PPM1E: variants seen among roughly 807,000 people sequenced by gnomAD.
PPM1E encodes protein phosphatase, Mg2+/Mn2+ dependent 1E.
Under a neutral mutation model 65.9 loss-of-function variants are expected in PPM1E, and 20 were observed. The observed-to-expected ratio is 0.30, with a 90% CI of 0.21 to 0.44. The LOEUF (loss-of-function observed/expected upper bound fraction) is 0.44, where lower values mean the gene tolerates loss of function less well. PPM1E is among the 20% of genes least tolerant of loss of function. The probability of loss-of-function intolerance (pLI) is 1.00; values close to 1 mark genes in which losing one functional copy is unlikely to be tolerated. For synonymous variants in PPM1E, 352 were observed against 374.9 expected (o/e 0.94, Z 0.70); for missense variants, 713 against 953.1 (o/e 0.75, Z 3.32).
chr17:58,827,717 A>G (rs2050554006), intron 1 of PPM1E, among the ~76,000 whole-genome samples: 1 of 151,100 alleles, frequency 6.6e-6, no homozygotes, highest in African/African-American at 2.4e-5. Flanking sequence ...CCTGGCTAAC[A>G]TGGTGAAACC....
intron 1 of PPM1E, among the ~76,000 whole-genome samples, chr17:58,868,860 T>C (rs1334330981): frequency 6.6e-6 from 1 of 152,154 alleles, no homozygotes; most frequent in African/African-American, 2.4e-5. Flanking sequence ...CTTAATCTAA[T>C]CCATTTATAA....
chr17:58,844,014 C>G (rs1381301092), intron 1 of PPM1E, among the ~76,000 whole-genome samples: 1 of 152,090 alleles, frequency 6.6e-6, no homozygotes, highest in Non-Finnish European at 1.5e-5. Context: ...TTGTCACATA[C>G]CTTTCTATAC....
At chr17:58,811,347 T>C (rs556611414) in intron 1 of PPM1E, among the ~76,000 whole-genome samples, 1 of 152,196 alleles carries the variant, frequency 6.6e-6, no homozygotes, top group Non-Finnish European at 1.5e-5. Context: ...GAAAAATGGG[T>C]GAACTAATAT....
At chr17:58,885,104 C>T (rs187200328) in intron 1 of PPM1E, among the ~76,000 whole-genome samples, 23 of 152,018 alleles carry the variant, frequency 1.5e-4, no homozygotes, top group African/African-American at 4.1e-4. Flanking sequence ...TTGCCCAGGC[C>T]GGAGTGCAGT....
chr17:58,788,855 C>G (rs895316717), intron 1 of PPM1E, among the ~76,000 whole-genome samples: 1 of 152,106 alleles, frequency 6.6e-6, no homozygotes, highest in Admixed American at 6.6e-5. Context: ...TGAAACTGAT[C>G]AACTAAAGAG....
intron 1 of PPM1E, among the ~76,000 whole-genome samples, chr17:58,774,965 G>T (rs2049979429): frequency 6.6e-6 from 1 of 151,652 alleles, no homozygotes; most frequent in Non-Finnish European, 1.5e-5. Flanking sequence ...CGATTCTCCT[G>T]CCTCAGCCTC....
intron 1 of PPM1E, among the ~76,000 whole-genome samples, chr17:58,827,758 C>T (rs1414060013): frequency 2.0e-5 from 3 of 150,778 alleles, no homozygotes; most frequent in African/African-American, 7.3e-5. Flanking sequence ...AAAAATTAGC[C>T]AGGCGTGGTG....
intron 1 of PPM1E, among the ~76,000 whole-genome samples, chr17:58,772,148 A>C (rs1243643150): frequency 6.6e-6 from 1 of 152,148 alleles, no homozygotes; most frequent in African/African-American, 2.4e-5. Flanking sequence ...TCTGTACAGT[A>C]TACTGATTAG....
At chr17:58,826,110 G>T (rs1174997625) in intron 1 of PPM1E, among the ~76,000 whole-genome samples, 2 of 151,102 alleles carry the variant, frequency 1.3e-5, no homozygotes, top group African/African-American at 2.4e-5. Context: ...CCAACATGGT[G>T]AAACCCCGTC....
At chr17:58,786,926 C>A (rs563951337) in intron 1 of PPM1E, among the ~76,000 whole-genome samples, 270 of 152,212 alleles carry the variant, frequency 1.8e-3, no homozygotes, top group African/African-American at 6.1e-3. Context: ...TTTTCTTTGA[C>A]ACATTTCTGA....
chr17:58,798,406 A>G (rs1022664492), intron 1 of PPM1E, among the ~76,000 whole-genome samples: 8 of 150,976 alleles, frequency 5.3e-5, no homozygotes, highest in African/African-American at 1.9e-4. Flanking sequence ...TTTATTTTTA[A>G]TAGAGACAGG....
chr17:58,836,419 C>A (rs1768740884), intron 1 of PPM1E, among the ~76,000 whole-genome samples: 1 of 149,986 alleles, frequency 6.7e-6, no homozygotes, highest in African/African-American at 2.4e-5. Context: ...CCCAGGAGTT[C>A]AAGACCAGCC....
At chr17:58,829,261 C>CA (rs1340094256) in intron 1 of PPM1E, among the ~76,000 whole-genome samples, 5 of 152,112 alleles carry the variant, frequency 3.3e-5, no homozygotes, top group African/African-American at 1.2e-4. Context: ...AGGCTGGTCT[C>CA]AAACTCCCAA....
intron 6 of PPM1E, among the ~76,000 whole-genome samples, chr17:58,974,302 G>A (rs569035510): frequency 6.6e-6 from 1 of 152,274 alleles, no homozygotes; most frequent in East Asian, 1.9e-4. Context: ...AAGTTGATAG[G>A]AAAAGCATTG....
intron 1 of PPM1E, among the ~76,000 whole-genome samples, chr17:58,931,066 T>TAAAAAAAAAAA (rs774968022): frequency 1.2e-5 from 1 of 83,146 alleles, no homozygotes; most frequent in Non-Finnish European, 2.3e-5. Flanking sequence ...ATACAAAAAT[T>TAAAAAAAAAAA]AAAAAAAAAA....
At chr17:58,803,056 C>A (rs1399807803) in intron 1 of PPM1E, among the ~76,000 whole-genome samples, 1 of 152,086 alleles carries the variant, frequency 6.6e-6, no homozygotes, top group Non-Finnish European at 1.5e-5. Flanking sequence ...ACTAGGACTT[C>A]ATAGTTCTAG....
chr17:58,842,670 G>C (rs1429374683), intron 1 of PPM1E, among the ~76,000 whole-genome samples: 1 of 151,928 alleles, frequency 6.6e-6, no homozygotes, highest in Non-Finnish European at 1.5e-5. Flanking sequence ...CAGGTGTGGT[G>C]GTGCACACCT....
At chr17:58,852,720 C>T (rs888240841) in intron 1 of PPM1E, among the ~76,000 whole-genome samples, 10 of 151,482 alleles carry the variant, frequency 6.6e-5, no homozygotes, top group Admixed American at 2.0e-4. Context: ...TCTCCTGGCT[C>T]GGCCTCCCGA....
chr17:58,914,785 C>G (rs934690496), intron 1 of PPM1E, among the ~76,000 whole-genome samples: 17 of 152,170 alleles, frequency 1.1e-4, no homozygotes, highest in African/African-American at 4.1e-4. Flanking sequence ...TCTTTGCCCA[C>G]TTTACAATTT....
Sources: gnomAD v4.1 joint callset for allele counts (sites outside exome capture counted in the v4.1 genomes callset) on GRCh38, gnomAD v4.1.1 for gene constraint, MANE v1.5 for transcripts, NCBI Gene and HGNC (gene_info 2026-07-23, HGNC 2026-07-21) for gene names.